Variants in RNLS observed in about 807,000 individuals in gnomAD.
RNLS encodes renalase, FAD dependent amine oxidase, also known as renalase.
Under a neutral mutation model 39.8 loss-of-function variants are expected in RNLS, and 39 were observed. The ratio of observed to expected loss-of-function variants is 0.98; its 90% CI spans 0.76 to 1.28. RNLS has a LOEUF of 1.28. Among genes scored for constraint, RNLS ranks in the 50% most tolerant of loss-of-function variants. RNLS has a pLI of 0.00. For synonymous variants in RNLS, 147 were observed against 150.7 expected (o/e 0.98, Z 0.18); for missense variants, 410 against 413.3 (o/e 0.99, Z 0.07).
chr10:88,268,201 C>T, the RNLS span, among the ~76,000 whole-genome samples: 18 of 152,090 alleles, frequency 1.2e-4, no homozygotes, highest in Admixed American at 2.0e-4. Flanking sequence ...TCAATGGTGG[C>T]GCTATTGGCA....
chr10:88,209,130 G>T, the RNLS span, among the ~76,000 whole-genome samples: 1 of 152,012 alleles, frequency 6.6e-6, no homozygotes, highest in East Asian at 1.9e-4. Context: ...ACCTGCATTG[G>T]ATTATTTTGA....
At chr10:88,557,836 G>T (rs1305873060) in intron 4 of RNLS, among the ~76,000 whole-genome samples, 1 of 152,130 alleles carries the variant, frequency 6.6e-6, no homozygotes, top group Non-Finnish European at 1.5e-5. Context: ...CAATTCAGTT[G>T]ATGACTCAGT....
At chr10:88,282,673 C>T (rs568390763), downstream of RNLS, among the ~76,000 whole-genome samples, 16 of 152,066 alleles carry the variant, frequency 1.1e-4, 1 homozygote, top group Admixed American at 9.8e-4. Flanking sequence ...TCCCCGCCCT[C>T]CCCCCAGTAA....
chr10:88,396,800 T>C (rs1852588804), intron 4 of RNLS, among the ~76,000 whole-genome samples: 1 of 149,402 alleles, frequency 6.7e-6, no homozygotes, highest in Non-Finnish European at 1.5e-5. Context: ...AGATATACCA[T>C]ACAAACAAAA....
At chr10:88,281,888 G>GA (rs926124466), downstream of RNLS, among the ~76,000 whole-genome samples, 21 of 151,540 alleles carry the variant, frequency 1.4e-4, no homozygotes, top group African/African-American at 4.4e-4. Flanking sequence ...GAAGAGGCAG[G>GA]AAAAAAAATA....
chr10:88,494,094 T>A (rs1225275404), intron 4 of RNLS, among the ~76,000 whole-genome samples: 1 of 152,136 alleles, frequency 6.6e-6, no homozygotes, highest in Non-Finnish European at 1.5e-5. Flanking sequence ...TGGATTCTGT[T>A]AAAACACATG....
chr10:88,520,413 C>T (rs1396783623), intron 4 of RNLS, among the ~76,000 whole-genome samples: 1 of 151,992 alleles, frequency 6.6e-6, no homozygotes, highest in Admixed American at 6.6e-5. Context: ...TGTGAATTGT[C>T]TTCTGGCAGG....
the RNLS span, among the ~76,000 whole-genome samples, chr10:88,178,714 G>A: frequency 6.6e-6 from 1 of 152,150 alleles, no homozygotes; most frequent in Non-Finnish European, 1.5e-5. Flanking sequence ...CTTTTCTATG[G>A]AGGAGGCAAG....
intron 5 of RNLS, among the ~76,000 whole-genome samples, chr10:88,336,122 T>A (rs1458933337): frequency 1.3e-5 from 2 of 152,334 alleles, no homozygotes; most frequent in Middle Eastern, 3.4e-3. Flanking sequence ...CAGCATTGAA[T>A]GCACACAGCA....
chr10:88,351,262 T>C (rs1467588288), intron 5 of RNLS, among the ~76,000 whole-genome samples: 1 of 152,242 alleles, frequency 6.6e-6, no homozygotes, highest in Non-Finnish European at 1.5e-5. Flanking sequence ...TTTTGGCTTT[T>C]GTTGCCATTG....
At chr10:88,311,552 C>T (rs1845383280) in intron 6 of RNLS, among the ~76,000 whole-genome samples, 1 of 152,190 alleles carries the variant, frequency 6.6e-6, no homozygotes, top group African/African-American at 2.4e-5. Flanking sequence ...ACAGAAACAG[C>T]TCCCAAGTCT....
the RNLS span, among the ~76,000 whole-genome samples, chr10:88,265,323 C>CTTTTT: frequency 8.5e-5 from 5 of 59,068 alleles, no homozygotes; most frequent in African/African-American, 2.0e-4. Context: ...CAGGGTTTTT[C>CTTTTT]TTTTTTTTTT....
At chr10:88,524,223 C>T (rs1319948685) in intron 4 of RNLS, among the ~76,000 whole-genome samples, 1 of 152,080 alleles carries the variant, frequency 6.6e-6, no homozygotes, top group African/African-American at 2.4e-5. Context: ...CTATCCTGTT[C>T]TGTAACAGCA....
chr10:88,455,826 C>CACAAA lies in RNLS; in HGVS notation c.527-93106_527-93102dup, dbSNP rs558591989. On this transcript the variant is annotated intron_variant, in intron 4 of 6. Coordinates refer to ENST00000331772, the MANE Select transcript of RNLS (RefSeq NM_001031709.3). ...AACTCCCAGTGACTTGGTTATTTCC[C>CACAAA]ACAAAACAAAACAAAACAAAACAAA... is the stretch of plus-strand genomic sequence containing the variant. 3.5e-4 allele frequency among the ~76,000 whole-genome samples: 53 copies of CACAAA among 152,188 alleles called. No homozygotes were observed. In the East Asian group the frequency reaches 5.4e-3, roughly 16 times the overall value.
At chr10:88,519,659 T>A (rs1392066870) in intron 4 of RNLS, among the ~76,000 whole-genome samples, 1 of 148,102 alleles carries the variant, frequency 6.8e-6, no homozygotes, top group South Asian at 2.1e-4. Flanking sequence ...GGTTATCTTA[T>A]GTGTGCTCTT....
At chr10:88,461,887 A>C (rs1842948636) in intron 4 of RNLS, among the ~76,000 whole-genome samples, 1 of 152,128 alleles carries the variant, frequency 6.6e-6, no homozygotes, top group Non-Finnish European at 1.5e-5. Flanking sequence ...TTATTACTTG[A>C]AATTACATCA....
chr10:88,198,165 G>A, the RNLS span, among the ~76,000 whole-genome samples: 1 of 152,202 alleles, frequency 6.6e-6, no homozygotes, highest in East Asian at 1.9e-4. Flanking sequence ...GCTCTCCTGG[G>A]TAGTGAGTTG....
chr10:88,204,819 C>CA, the RNLS span, among the ~76,000 whole-genome samples: 25 of 151,600 alleles, frequency 1.6e-4, no homozygotes, highest in African/African-American at 2.9e-4. Flanking sequence ...TTCTTTCCTT[C>CA]AAAAAAAATG....
In RNLS at chr10:88,284,920, T is replaced by A. The variant is rs893878720; in HGVS notation, c.*434A>T. The A allele has an allele frequency of 2.0e-6, 2 of 985,930 alleles. No homozygotes were observed. The highest frequency in any genetic ancestry group is 9.4e-5 in the South Asian group (2 of 21,318). The allele number at this position is 985,930 out of a possible 1,614,324, so 61.1% of individuals were successfully genotyped here. ...TGGAAAAATCTTGTTTTGTATAATT[T>A]GCAAAAATATTGATTCAAGGACACA... On this transcript the variant is annotated 3_prime_UTR_variant, in exon 7 of 7. Transcript: ENST00000331772.
Sources: gnomAD v4.1 joint callset for allele counts (sites outside exome capture counted in the v4.1 genomes callset) on GRCh38, gnomAD v4.1.1 for gene constraint, MANE v1.5 for transcripts, NCBI Gene and HGNC (gene_info 2026-07-23, HGNC 2026-07-21) for gene names.